PALLD: variants seen among roughly 807,000 people sequenced by gnomAD.
PALLD encodes the protein palladin, cytoskeletal associated protein.
Under a neutral mutation model 123.5 loss-of-function variants are expected in PALLD, and 61 were observed. The observed-to-expected ratio is 0.49, with a 90% CI of 0.40 to 0.61. The LOEUF is 0.61. Ranked by LOEUF, PALLD falls within the 20% of genes least tolerant of loss-of-function variation. PALLD has a pLI of 0.00. For missense variants in PALLD, 1,273 were observed against 1,377.0 expected (o/e 0.92, Z 1.20); for synonymous variants, 465 against 496.4 (o/e 0.94, Z 0.84).
At position 168,869,977 on chromosome 4, in the gene PALLD, A is replaced by G. The variant is rs1750864495; in HGVS notation, c.1965-20945A>G. 6.6e-6 allele frequency among the ~76,000 whole-genome samples: 1 copy of G among 152,218 alleles called. No individual in the cohort carries two copies. The highest frequency in any genetic ancestry group is 2.1e-4 in the South Asian group (1 of 4,828). ...ACAAGGAGAGTTGTTAGTGATGTCA[A>G]GGGAGAAGAGTGCTTCAAGAAAGAT... On this transcript the variant is annotated intron_variant, in intron 10 of 21. Transcript: ENST00000505667. This position sits in a 1 kb window ranked among gnomAD's most constrained non-coding sequence, Gnocchi z 4.5.
intron 10 of PALLD, among the ~76,000 whole-genome samples, chr4:168,723,217 A>C (rs1271198562): frequency 1.3e-5 from 2 of 152,324 alleles, no homozygotes; most frequent in African/African-American, 4.8e-5. Flanking sequence ...AAAGTCACTG[A>C]GAAAAGTGAG....
chr4:168,587,653 CT>C (rs1167438223), intron 2 of PALLD, among the ~76,000 whole-genome samples: 3 of 152,124 alleles, frequency 2.0e-5, no homozygotes, highest in African/African-American at 4.8e-5. Context: ...TGGCCAGCTG[CT>C]TTTTTCCCTA....
intron 1 of PALLD, among the ~76,000 whole-genome samples, chr4:168,508,576 G>C (rs1004653298): frequency 3.3e-5 from 5 of 151,994 alleles, no homozygotes; most frequent in Admixed American, 2.0e-4. Context: ...CCACAGGTTT[G>C]GTTGACACAA....
chr4:168,570,177 G>A (rs1222834735), intron 2 of PALLD, among the ~76,000 whole-genome samples: 3 of 152,208 alleles, frequency 2.0e-5, no homozygotes, highest in Non-Finnish European at 4.4e-5. Flanking sequence ...AATATGTTGC[G>A]GGGCTTACTA....
At chr4:168,914,218 TA>T in intron 16 of PALLD, 197 bp downstream of exon 16, 1 of 597,584 alleles carries the variant, frequency 1.7e-6, no homozygotes, top group Non-Finnish European at 3.0e-6. Context: ...AAACATTCGC[TA>T]ATGTGTGCTA....
chr4:168,601,184 A>T (rs1021012655), intron 2 of PALLD, among the ~76,000 whole-genome samples: 3 of 152,198 alleles, frequency 2.0e-5, no homozygotes, highest in Non-Finnish European at 4.4e-5. Flanking sequence ...CAGTAAAAAA[A>T]TCTATCTATA....
intron 2 of PALLD, among the ~76,000 whole-genome samples, chr4:168,635,974 A>G (rs1325131601): frequency 6.6e-6 from 1 of 152,242 alleles, no homozygotes; most frequent in African/African-American, 2.4e-5. Context: ...GTGACCTTGA[A>G]CCAGCTATTT....
chr4:168,528,983 A>G (rs773338580), intron 2 of PALLD, among the ~76,000 whole-genome samples: 9 of 152,122 alleles, frequency 5.9e-5, no homozygotes, highest in Admixed American at 6.5e-5. Context: ...CGCCAAAAGG[A>G]AGGTAGAAAG....
At chr4:168,567,228 A>C (rs951314761) in intron 2 of PALLD, among the ~76,000 whole-genome samples, 2 of 152,184 alleles carry the variant, frequency 1.3e-5, no homozygotes, top group Non-Finnish European at 2.9e-5. Context: ...TCAACAGAGT[A>C]AACAGACAAC....
chr4:168,667,567 T>G (rs1234561166), intron 2 of PALLD, among the ~76,000 whole-genome samples: 3 of 152,102 alleles, frequency 2.0e-5, no homozygotes, highest in African/African-American at 7.2e-5. Flanking sequence ...GACCTGATTG[T>G]TTGGGAAAGG....
At chr4:168,518,869 T>A (rs1357052163) in intron 2 of PALLD, among the ~76,000 whole-genome samples, 1 of 152,226 alleles carries the variant, frequency 6.6e-6, no homozygotes, top group Non-Finnish European at 1.5e-5. Flanking sequence ...CCTAGAACAG[T>A]GTCTGGCATG....
rs182702747 is a variant in PALLD, at chr4:168,539,305, C to A, written c.908+26893C>A. ...GGTTTCAGCTTTAAAAATTACGAGT[C>A]CTGCCCGGGCGCGGTGGCTCACGCC... On this transcript the variant is annotated intron_variant, in intron 2 of 21. Transcript: ENST00000505667. 2.6e-5 allele frequency among the ~76,000 whole-genome samples: 4 copies of A among 151,994 alleles called. 1 individual carries two copies. The highest frequency in any genetic ancestry group is 3.9e-4 in the East Asian group (2 of 5,162).
At chr4:168,722,913 A>G (rs1458491928) in intron 10 of PALLD, among the ~76,000 whole-genome samples, 1 of 152,366 alleles carries the variant, frequency 6.6e-6, no homozygotes, top group East Asian at 1.9e-4. Context: ...AGAGAAAGGA[A>G]TCAAGAAAAT....
intron 10 of PALLD, among the ~76,000 whole-genome samples, chr4:168,863,034 C>T (rs1189535309): frequency 2.0e-5 from 3 of 152,166 alleles, no homozygotes; most frequent in Non-Finnish European, 4.4e-5. Flanking sequence ...CCAGCCTCTT[C>T]CGATAAATGC....
intron 10 of PALLD, among the ~76,000 whole-genome samples, chr4:168,845,491 A>G (rs2150949364): frequency 1.3e-5 from 2 of 152,364 alleles, no homozygotes; most frequent in South Asian, 4.1e-4. Flanking sequence ...ATATAGCATG[A>G]CAGCTATTTA....
In PALLD at chr4:168,878,505, A is replaced by G. The variant is rs1752151251; in HGVS notation, c.1965-12417A>G. 10 of 760,066 alleles carry G rather than the reference A, an allele frequency of 1.3e-5. No individual in the cohort carries two copies. The South Asian group carries it at 2.2e-4, about 17-fold the overall frequency. 47.1% of individuals were successfully genotyped at this position (760,066 alleles called of 1,614,324 possible). A position where few individuals can be genotyped will look rare whatever the true frequency, so the allele number is the denominator to read the frequency against. ...ATCAGCCTGCAACCCAGAGCGCCCC[A>G]GTAACATTTCACACATTTCTCTCCG... On this transcript the variant is annotated intron_variant, in intron 10 of 21. Transcript: ENST00000505667.
chr4:168,719,352 G>T (rs575835507), intron 10 of PALLD, among the ~76,000 whole-genome samples: 15 of 145,044 alleles, frequency 1.0e-4, no homozygotes, highest in African/African-American at 3.6e-4. Context: ...CCGCCTCCTG[G>T]GTTCAAGTGA....
intron 2 of PALLD, among the ~76,000 whole-genome samples, chr4:168,519,934 T>C (rs1763366749): frequency 6.6e-6 from 1 of 152,010 alleles, no homozygotes; most frequent in African/African-American, 2.4e-5. Flanking sequence ...TTGCACTGAA[T>C]TGAACAAACA....
intron 10 of PALLD, among the ~76,000 whole-genome samples, chr4:168,840,123 T>A (rs528557059): frequency 3.8e-4 from 58 of 151,492 alleles, no homozygotes; most frequent in African/African-American, 1.4e-3. Flanking sequence ...TTAAAAAAAA[T>A]CTATTTTTGG....
Sources: allele counts gnomAD v4.1 joint callset (sites outside exome capture counted in the v4.1 genomes callset), GRCh38; gene constraint gnomAD v4.1.1; non-coding constraint Gnocchi (gnomAD v3.1); transcripts MANE v1.5; gene names NCBI Gene and HGNC (gene_info 2026-07-23, HGNC 2026-07-21).